The following BPTF variants were observed in gnomAD, a reference collection of about 807,000 sequenced individuals.
BPTF encodes the protein nucleosome-remodeling factor subunit BPTF.
Under a neutral mutation model 292.5 loss-of-function variants are expected in BPTF, and 18 were observed. The observed-to-expected ratio is 0.06, with a 90% CI of 0.04 to 0.09. The LOEUF (loss-of-function observed/expected upper bound fraction) is 0.09, where lower values mean the gene tolerates loss of function less well. Among genes scored for constraint, BPTF ranks in the 10% least tolerant of loss-of-function variants. BPTF has a pLI of 1.00. For missense variants in BPTF, 2,726 were observed against 3,498.7 expected, an observed-to-expected ratio of 0.78 and a Z score of 5.57; for synonymous variants, 1,225 against 1,251.9, an observed-to-expected ratio of 0.98 and a Z score of 0.45.
At chr17:67,959,931 T>G (rs1598929676) in intron 24 of BPTF, 56 bp downstream of exon 24, 2 of 1,317,380 alleles carry the variant, frequency 1.5e-6, no homozygotes, top group East Asian at 4.8e-5. Flanking sequence ...GCTATTAAAT[T>G]GGATTTTGAA....
At position 67,911,519 on chromosome 17, in the gene BPTF, A is replaced by G. The variant is rs2062651882; in HGVS notation, c.3635A>G (p.Asp1212Gly). The G allele has an allele frequency of 6.2e-7, 1 of 1,613,444 alleles. No homozygotes were observed. Among genetic ancestry groups the G allele is most frequent in the Non-Finnish European group, 8.5e-7 (1 of 1,179,890 alleles). The change falls in exon 11 of 28, where the codon GAT becomes GGT. Residue 1212 changes from aspartate (D) to glycine (G), a missense_variant. Transcript: ENST00000306378. ...EPSKSKTKGN[D>G]FFIDDSKLAS... ...AGTAAGAGTAAAACAAAAGGAAATG[A>G]TTTTTTCATCGATGACTCTAAACTA...
rs185893058 is a variant in BPTF, at chr17:67,903,999, T to G, written c.2673+81T>G. 615 of 1,191,986 alleles carry G rather than the reference T, an allele frequency of 5.2e-4. 4 individuals are homozygous for G. The Admixed American group carries it at 9.5e-3, about 18-fold the overall frequency. 73.8% of individuals were successfully genotyped at this position (1,191,986 alleles called of 1,614,324 possible). Reference sequence around the variant, plus strand: ...CTGAAACTTTGAATACTTACTAATTTTATTTTTGACATAGTCTTTGTATTT... The same window carrying G: ...CTGAAACTTTGAATACTTACTAATTGTATTTTTGACATAGTCTTTGTATTT... On this transcript the variant is annotated intron_variant, in intron 8 of 27. Coordinates refer to ENST00000306378, the MANE Select transcript of BPTF (RefSeq NM_182641.4).
rs751958852 is a variant in BPTF, at chr17:67,826,235, G to T, written c.511G>T (p.Asp171Tyr). The T allele has an allele frequency of 1.2e-6, 2 of 1,613,870 alleles. No individual in the cohort carries two copies. The highest frequency in any genetic ancestry group is 1.1e-5 in the South Asian group (1 of 91,074). The change falls in exon 1 of 28, where the codon GAT (aspartate) becomes TAT (tyrosine). Residue 171 changes from aspartate (D) to tyrosine (Y), a missense_variant. Physicochemically the swap from Asp to Tyr is radical, Grantham distance 160. Transcript: ENST00000306378. ...GGAGGATGAGATGGAAGAGGACGAC[G>T]ATGACTCCGATTATCCGGAGGAGAT... ...DEEDEMEEDDDDSDYPEEMED... is the reference protein window; with the variant it reads ...DEEDEMEEDDYDSDYPEEMED...
intron 9 of BPTF, among the ~76,000 whole-genome samples, chr17:67,908,145 C>A (rs140938466): frequency 1.3e-5 from 2 of 151,966 alleles, no homozygotes; most frequent in Admixed American, 6.6e-5. Flanking sequence ...CCTTCATACA[C>A]GAGTTTTCTT....
At chr17:67,957,317 C>T (rs1555681570) in intron 23 of BPTF, 1 of 152,104 alleles carries the variant, frequency 6.6e-6, no homozygotes, top group Non-Finnish European at 1.5e-5. Context: ...ATAAAGGAAA[C>T]GTGGGCTAAT....
chr17:67,871,322 A>G (rs1157591275), intron 3 of BPTF, among the ~76,000 whole-genome samples: 1 of 151,702 alleles, frequency 6.6e-6, no homozygotes, highest in Non-Finnish European at 1.5e-5. Flanking sequence ...CACGCCTGCA[A>G]TCCTAGCTAC....
chr17:67,960,522 T>C (rs185138557), intron 24 of BPTF: 3 of 152,344 alleles, frequency 2.0e-5, no homozygotes, highest in African/African-American at 7.2e-5. Context: ...TATTTGGTGA[T>C]ATAAACAAGA....
chr17:67,964,785 G>A (rs1555686085), intron 25 of BPTF, among the ~76,000 whole-genome samples: 2 of 151,130 alleles, frequency 1.3e-5, no homozygotes, highest in Non-Finnish European at 2.9e-5. Flanking sequence ...CGGATCACAA[G>A]GTCAGGAGAT....
Position 67,947,766 on chromosome 17 carries a change from A to C in BPTF, c.7658A>C (p.Gln2553Pro). 3.2e-6 allele frequency: 5 copies of C among 1,554,598 alleles called. No individual in the cohort carries two copies. The highest frequency in any genetic ancestry group is 1.4e-5 in the African/African-American group (1 of 73,436). Residue 2553 changes from glutamine (Q) to proline (P), a missense_variant, in exon 22 of 28, where the codon CAG becomes CCG. Coordinates refer to ENST00000306378, the MANE Select transcript of BPTF (RefSeq NM_182641.4). The part of the protein sequence containing the change: ...KHNAVIEHLK[Q>P]KKSMTPAERE... ...AATGCTGTAATAGAACATTTAAAAC[A>C]GAAAAAGAGCATGACTCCAGCTGAA...
intron 24 of BPTF, chr17:67,963,643 T>C: frequency 9.7e-7 from 1 of 1,031,132 alleles, no homozygotes; most frequent in Non-Finnish European, 1.3e-6. Context: ...TCCTTTTCAT[T>C]TTTCTCTTTT....
intron 1 of BPTF, among the ~76,000 whole-genome samples, chr17:67,852,858 G>A (rs1025078803): frequency 2.0e-5 from 3 of 152,328 alleles, no homozygotes; most frequent in African/African-American, 4.8e-5. Context: ...AGAATGGGCC[G>A]GGTGCGGTGG....
chr17:67,878,811 C>A (rs911635844), intron 4 of BPTF, among the ~76,000 whole-genome samples: 3 of 152,036 alleles, frequency 2.0e-5, no homozygotes, highest in African/African-American at 7.3e-5. Flanking sequence ...GAGGGTAAAT[C>A]TGGTTCTTCC....
At chr17:67,873,377 G>C (rs1256722089) in intron 3 of BPTF, among the ~76,000 whole-genome samples, 1 of 151,044 alleles carries the variant, frequency 6.6e-6, no homozygotes, top group African/African-American at 2.4e-5. Flanking sequence ...AGAATTGCTT[G>C]AACCTGGGAG....
intron 4 of BPTF, among the ~76,000 whole-genome samples, chr17:67,880,343 T>C (rs1355493823): frequency 6.6e-6 from 1 of 152,182 alleles, no homozygotes; most frequent in East Asian, 1.9e-4. Flanking sequence ...TGGATTTTCT[T>C]TCCTAGCTTC....
chr17:67,971,512 A>C (rs2068756478), intron 26 of BPTF, among the ~76,000 whole-genome samples: 1 of 151,984 alleles, frequency 6.6e-6, no homozygotes. Context: ...TTATTTTTAA[A>C]TTACACTTTA....
At chr17:67,958,068 A>G (rs2067120826) in intron 23 of BPTF, among the ~76,000 whole-genome samples, 1 of 152,236 alleles carries the variant, frequency 6.6e-6, no homozygotes, top group South Asian at 2.1e-4. Context: ...ACAGAGGCTC[A>G]CGCCTGTAAT....
intron 7 of BPTF, among the ~76,000 whole-genome samples, chr17:67,903,577 G>A (rs2146641108): frequency 6.6e-6 from 1 of 152,234 alleles, no homozygotes; most frequent in South Asian, 2.1e-4. Flanking sequence ...CTTATGGAAA[G>A]GATATAGTAT....
chr17:67,826,139 G>A lies in BPTF; in HGVS notation c.415G>A (p.Asp139Asn), dbSNP rs2055999197. ...GAGCGAGGAGGAGGAGGAAGAGGAG[G>A]ACATGGTCTCCGAGGAGGAGGAGGA... The part of the protein sequence containing the change: ...HESEEEEEEE[D>N]MVSEEEEEED... The change falls in exon 1 of 28, where the codon GAC becomes AAC. Residue 139 changes from aspartate to asparagine, a missense_variant. Asp to Asn is a conservative substitution (Grantham distance 23). This residue lies in a region of BPTF where 153 missense variants were observed against 178.3 expected (regional missense o/e 0.86). Transcript: ENST00000306378. 5 of 1,468,082 alleles carry A rather than the reference G, an allele frequency of 3.4e-6. No individual in the cohort carries two copies. The highest frequency in any genetic ancestry group is 1.7e-5 in the Admixed American group (1 of 58,778). The allele number at this position is 1,468,082 out of a possible 1,614,324, so 90.9% of individuals were successfully genotyped here.
chr17:67,849,419 C>G (rs2058248571), intron 1 of BPTF, among the ~76,000 whole-genome samples: 2 of 152,168 alleles, frequency 1.3e-5, no homozygotes, highest in South Asian at 4.1e-4. Flanking sequence ...TAATGCCAGT[C>G]ACTTGTCGAG....
Sources: allele counts gnomAD v4.1 joint callset (sites outside exome capture counted in the v4.1 genomes callset), GRCh38; gene constraint gnomAD v4.1.1; regional missense constraint gnomAD v4.1.1; transcripts MANE v1.5; gene names NCBI Gene and HGNC (gene_info 2026-07-23, HGNC 2026-07-21).